The following TMEM163 variants were observed in gnomAD, a reference collection of about 807,000 sequenced individuals.
TMEM163 encodes the protein transmembrane protein 163.
A neutral mutation model predicts 29.3 loss-of-function variants in TMEM163; 17 were observed. That is an observed-to-expected ratio of 0.58 (90% CI 0.40 to 0.87). The LOEUF (loss-of-function observed/expected upper bound fraction) is 0.87. Among genes scored for constraint, TMEM163 ranks in the 40% least tolerant of loss-of-function variants. The pLI is 0.00. For synonymous variants in TMEM163, 157 were observed against 160.6 expected (o/e 0.98, Z 0.17); for missense variants, 303 against 381.5 (o/e 0.79, Z 1.71).
At chr2:134,669,956 C>A (rs1428129890) in intron 2 of TMEM163, among the ~76,000 whole-genome samples, 1 of 152,162 alleles carries the variant, frequency 6.6e-6, no homozygotes, top group Non-Finnish European at 1.5e-5. Flanking sequence ...CTAGCCCCAG[C>A]AACCCTCCAA....
intron 4 of TMEM163, among the ~76,000 whole-genome samples, chr2:134,547,802 G>C (rs1441824569): frequency 6.6e-6 from 1 of 152,118 alleles, no homozygotes; most frequent in South Asian, 2.1e-4. Flanking sequence ...TTGCCTTTTC[G>C]ACAATGATAT....
intron 2 of TMEM163, among the ~76,000 whole-genome samples, chr2:134,573,121 C>T (rs997714979): frequency 6.6e-6 from 1 of 152,222 alleles, no homozygotes. Context: ...ATTTACATGG[C>T]CCAAGGAAAC....
intron 2 of TMEM163, among the ~76,000 whole-genome samples, chr2:134,702,542 G>T (rs1415447711): frequency 1.3e-5 from 2 of 152,164 alleles, no homozygotes; most frequent in Non-Finnish European, 2.9e-5. Context: ...CTACTTGGGA[G>T]GCTGAAGTGG....
At chr2:134,515,250 AAAGAC>A (rs1243590824) in intron 4 of TMEM163, among the ~76,000 whole-genome samples, 1 of 152,188 alleles carries the variant, frequency 6.6e-6, no homozygotes, top group Non-Finnish European at 1.5e-5. Context: ...ACTGAATCAA[AAAGAC>A]AAGAATGGAA....
intron 5 of TMEM163, among the ~76,000 whole-genome samples, chr2:134,481,615 C>T (rs573938369): frequency 3.3e-5 from 5 of 152,192 alleles, no homozygotes; most frequent in South Asian, 4.2e-4. Context: ...TTATCAGCAG[C>T]GTGAAAATGG....
intron 4 of TMEM163, among the ~76,000 whole-genome samples, chr2:134,542,967 A>G (rs1680708646): frequency 6.6e-6 from 1 of 152,142 alleles, no homozygotes; most frequent in South Asian, 2.1e-4. Flanking sequence ...TTATAAGGAC[A>G]CTAGTAATAT....
intron 2 of TMEM163, among the ~76,000 whole-genome samples, chr2:134,567,313 T>C (rs1292293628): frequency 6.6e-6 from 1 of 152,170 alleles, no homozygotes; most frequent in African/African-American, 2.4e-5. Context: ...AGATTTAAGT[T>C]ACAGATATTT....
chr2:134,514,243 T>C (rs1395579267), intron 4 of TMEM163, among the ~76,000 whole-genome samples: 1 of 152,198 alleles, frequency 6.6e-6, no homozygotes, highest in Non-Finnish European at 1.5e-5. Context: ...AGGTTGGTCA[T>C]GTACTATGTT....
At chr2:134,705,315 G>A (rs1013924600) in intron 2 of TMEM163, among the ~76,000 whole-genome samples, 35 of 152,066 alleles carry the variant, frequency 2.3e-4, no homozygotes, top group African/African-American at 8.5e-4. Flanking sequence ...GTTCAAGTGA[G>A]GTCATTAAGG....
chr2:134,676,818 C>T (rs1330063650), intron 2 of TMEM163, among the ~76,000 whole-genome samples: 2 of 152,154 alleles, frequency 1.3e-5, no homozygotes, highest in African/African-American at 4.8e-5. Context: ...TACATCTAAA[C>T]ATAAAAATAT....
intron 3 of TMEM163, among the ~76,000 whole-genome samples, chr2:134,551,340 G>A (rs1680917486): frequency 6.6e-6 from 1 of 151,984 alleles, no homozygotes; most frequent in Non-Finnish European, 1.5e-5. Context: ...ATAAGATTCT[G>A]AAAAGAATCT....
At chr2:134,509,489 G>A (rs138656606) in intron 4 of TMEM163, among the ~76,000 whole-genome samples, 112 of 152,312 alleles carry the variant, frequency 7.4e-4, no homozygotes, top group African/African-American at 2.6e-3. Flanking sequence ...AGCCCACCAA[G>A]CCCCAGGTCT....
Position 134,460,759 on chromosome 2 carries a change from G to A in TMEM163, c.668-2586C>T, listed in dbSNP as rs181456640. ...CACCCGCTCTGCCAGCCAGCACCAAGGCCGGCCCAGCTTGCTATTCCTGAC... is the reference window on the plus strand; with the variant it reads ...CACCCGCTCTGCCAGCCAGCACCAAAGCCGGCCCAGCTTGCTATTCCTGAC... On this transcript the variant is annotated intron_variant, in intron 6 of 7. Transcript: ENST00000281924. The surrounding 1 kb of genome is among the most constrained non-coding windows in gnomAD (Gnocchi z 4.3). Among the ~76,000 whole-genome samples the A allele has an allele frequency of 6.6e-6, 1 of 152,298 alleles. No homozygotes were observed. Among genetic ancestry groups the A allele is most frequent in the Admixed American group, 6.5e-5 (1 of 15,288 alleles).
At chr2:134,562,069 A>G (rs995386106) in intron 2 of TMEM163, among the ~76,000 whole-genome samples, 12 of 152,328 alleles carry the variant, frequency 7.9e-5, no homozygotes, top group Non-Finnish European at 1.5e-4. Context: ...CTTGTCTTCT[A>G]TGTTAAATAC....
intron 1 of TMEM163, among the ~76,000 whole-genome samples, chr2:134,718,104 C>T (rs531362880): frequency 4.6e-5 from 7 of 152,254 alleles, no homozygotes; most frequent in Admixed American, 2.0e-4. Flanking sequence ...ATCCAAATGT[C>T]CCATTCCTCT....
intron 3 of TMEM163, 133 bp downstream of exon 3, chr2:134,551,915 G>C: frequency 1.5e-6 from 1 of 666,214 alleles, no homozygotes; most frequent in Admixed American, 3.1e-5. Flanking sequence ...AATAGAAGTG[G>C]GTTTCCATAA....
intron 2 of TMEM163, among the ~76,000 whole-genome samples, chr2:134,643,688 A>G (rs534061971): frequency 1.9e-3 from 291 of 152,120 alleles, no homozygotes; most frequent in African/African-American, 6.4e-3. Flanking sequence ...CTCTTAGGAA[A>G]CTACAAATAG....
chr2:134,639,660 G>T (rs980948380), intron 2 of TMEM163, among the ~76,000 whole-genome samples: 2 of 152,144 alleles, frequency 1.3e-5, no homozygotes, highest in African/African-American at 4.8e-5. Flanking sequence ...ATAGCAAACC[G>T]TCTGCTAAAT....
intron 2 of TMEM163, among the ~76,000 whole-genome samples, chr2:134,653,727 A>C (rs1438084229): frequency 2.2e-5 from 2 of 89,776 alleles, no homozygotes; most frequent in African/African-American, 1.5e-4. Context: ...AATGCGTCCC[A>C]GAGATTCTGT....
Sources: gnomAD v4.1 joint callset for allele counts (sites outside exome capture counted in the v4.1 genomes callset) on GRCh38, gnomAD v4.1.1 for gene constraint, Gnocchi (gnomAD v3.1) non-coding constraint, MANE v1.5 for transcripts, NCBI Gene and HGNC (gene_info 2026-07-23, HGNC 2026-07-21) for gene names.